Variants in DLGAP2 observed in about 807,000 individuals in gnomAD.
DLGAP2 encodes disks large-associated protein 2.
In DLGAP2, 26 loss-of-function variants were observed where a neutral mutation model predicts 100.3. That is an observed-to-expected ratio of 0.26 (90% CI 0.19 to 0.36). The LOEUF (loss-of-function observed/expected upper bound fraction) is 0.36. Ranked by LOEUF, DLGAP2 falls within the 10% of genes least tolerant of loss-of-function variation. The probability of loss-of-function intolerance (pLI) is 1.00; values close to 1 mark genes in which losing one functional copy is unlikely to be tolerated. For synonymous variants in DLGAP2, 886 were observed against 630.1 expected, an observed-to-expected ratio of 1.41 and a Z score of -6.08; for missense variants, 1,858 against 1,453.2, an observed-to-expected ratio of 1.28 and a Z score of -4.53.
rs181230678 is a variant in DLGAP2 at position 1,646,327 on chromosome 8, T to A, written c.1810+13281T>A. Among the ~76,000 whole-genome samples, 428 of 152,276 alleles carry A rather than the reference T, an allele frequency of 2.8e-3. 3 individuals carry two copies. Among genetic ancestry groups the A allele is most frequent in the Non-Finnish European group, 5.0e-3 (342 of 68,016 alleles). On this transcript the variant is annotated intron_variant, in intron 8 of 14. Transcript: ENST00000637795. ...AGATCTCGGAACTCGTCAGCCTCAT[T>A]GACGACAGGAGCCAATTCCTTATCC...
chr8:1,228,918 G>T (rs775904458), intron 2 of DLGAP2, among the ~76,000 whole-genome samples: 2 of 152,170 alleles, frequency 1.3e-5, no homozygotes, highest in Non-Finnish European at 2.9e-5. Flanking sequence ...TGTACTGGAG[G>T]TTCTAGGCAG....
intron 4 of DLGAP2, among the ~76,000 whole-genome samples, chr8:1,517,626 C>G (rs537107589): frequency 6.6e-6 from 1 of 152,318 alleles, no homozygotes; most frequent in South Asian, 2.1e-4. Context: ...AATGCAGGCA[C>G]ACACCTGCTA....
chr8:1,528,097 C>T (rs980721649), intron 4 of DLGAP2, among the ~76,000 whole-genome samples: 9 of 152,252 alleles, frequency 5.9e-5, no homozygotes, highest in African/African-American at 4.8e-5. Flanking sequence ...AGCCACTGCA[C>T]GGCAGTGACT....
At chr8:1,285,859 T>C (rs975645681) in intron 3 of DLGAP2, among the ~76,000 whole-genome samples, 4 of 152,038 alleles carry the variant, frequency 2.6e-5, no homozygotes, top group Non-Finnish European at 5.9e-5. Context: ...ACCCCACCAA[T>C]CCTTGCAAGG....
intron 1 of DLGAP2, among the ~76,000 whole-genome samples, chr8:797,986 G>A (rs796086162): frequency 7.2e-5 from 11 of 152,240 alleles, no homozygotes; most frequent in African/African-American, 1.7e-4. Context: ...TCCTGATGTC[G>A]TGATACGCCC....
At chr8:1,450,550 G>A (rs907488834) in intron 3 of DLGAP2, among the ~76,000 whole-genome samples, 11 of 152,178 alleles carry the variant, frequency 7.2e-5, no homozygotes, top group Admixed American at 5.9e-4. Context: ...AAGGCACTGC[G>A]GGGCTGGCAG....
chr8:1,659,954 T>C (rs1585040394), intron 8 of DLGAP2, among the ~76,000 whole-genome samples: 3 of 152,318 alleles, frequency 2.0e-5, no homozygotes, highest in Admixed American at 2.0e-4. Context: ...TCTTTACAAT[T>C]TGGCATGTTT....
At chr8:1,267,898 G>T (rs1465338538) in intron 3 of DLGAP2, among the ~76,000 whole-genome samples, 1 of 152,094 alleles carries the variant, frequency 6.6e-6, no homozygotes, top group Non-Finnish European at 1.5e-5. Context: ...TCATAGCCCT[G>T]TAGTTTTGAA....
chr8:830,317 C>A (rs1331672548), intron 1 of DLGAP2, among the ~76,000 whole-genome samples: 1 of 152,038 alleles, frequency 6.6e-6, no homozygotes, highest in South Asian at 2.1e-4. Flanking sequence ...CCAATTATAC[C>A]CTTTTAGATA....
chr8:1,639,601 A>G (rs1797848896), intron 8 of DLGAP2, among the ~76,000 whole-genome samples: 1 of 152,214 alleles, frequency 6.6e-6, no homozygotes, highest in Non-Finnish European at 1.5e-5. Context: ...TGTTTGTCTC[A>G]TATTTGCAGC....
chr8:1,085,812 T>C (rs1803956876), intron 2 of DLGAP2, among the ~76,000 whole-genome samples: 1 of 152,190 alleles, frequency 6.6e-6, no homozygotes, highest in African/African-American at 2.4e-5. Flanking sequence ...AGGAATGACA[T>C]TGGTGTTTTA....
chr8:1,284,567 T>G (rs1799885150), intron 3 of DLGAP2, among the ~76,000 whole-genome samples: 1 of 152,214 alleles, frequency 6.6e-6, no homozygotes, highest in Admixed American at 6.5e-5. Flanking sequence ...TCAATTCTTT[T>G]TATTGCTCTT....
intron 1 of DLGAP2, among the ~76,000 whole-genome samples, chr8:903,369 C>A (rs749799019): frequency 6.9e-6 from 1 of 145,436 alleles, no homozygotes; most frequent in Admixed American, 6.7e-5. Flanking sequence ...AACTGCAGAG[C>A]CCCCCGGGCA....
chr8:1,439,666 T>C (rs1322593820), intron 3 of DLGAP2, among the ~76,000 whole-genome samples: 1 of 152,152 alleles, frequency 6.6e-6, no homozygotes, highest in Non-Finnish European at 1.5e-5. Flanking sequence ...GTCTCGAAAC[T>C]GAAACGGCAA....
intron 2 of DLGAP2, among the ~76,000 whole-genome samples, chr8:1,223,774 G>A (rs1216594003): frequency 6.6e-6 from 1 of 152,142 alleles, no homozygotes; most frequent in Non-Finnish European, 1.5e-5. Flanking sequence ...TAATCAACCT[G>A]TCGGAATCTC....
At chr8:921,177 C>G (rs1798705334) in intron 2 of DLGAP2, among the ~76,000 whole-genome samples, 1 of 152,108 alleles carries the variant, frequency 6.6e-6, no homozygotes, top group Admixed American at 6.5e-5. Flanking sequence ...TGTTTATAGT[C>G]CTAGGAATCT....
At chr8:1,433,738 CT>C (rs3052055) in intron 3 of DLGAP2, among the ~76,000 whole-genome samples, 37 of 124,206 alleles carry the variant, frequency 3.0e-4, no homozygotes, top group African/African-American at 5.8e-4. Flanking sequence ...GCAAAACTGG[CT>C]TTTTTTTTTT....
intron 3 of DLGAP2, among the ~76,000 whole-genome samples, chr8:1,368,007 G>A (rs1190145766): frequency 6.6e-6 from 1 of 152,176 alleles, no homozygotes; most frequent in Non-Finnish European, 1.5e-5. Flanking sequence ...CACCAGATGG[G>A]GACTGATTGG....
chr8:1,416,836 T>C (rs73670798), intron 3 of DLGAP2, among the ~76,000 whole-genome samples: 2,420 of 152,208 alleles, frequency 0.016, 57 homozygotes, highest in African/African-American at 0.055. Context: ...TCCTCAGACA[T>C]TTGTTGCAAA....
Sources: gnomAD v4.1 joint callset for allele counts (sites outside exome capture counted in the v4.1 genomes callset) on GRCh38, gnomAD v4.1.1 for gene constraint, MANE v1.5 for transcripts, NCBI Gene and HGNC (gene_info 2026-07-23, HGNC 2026-07-21) for gene names.